The following ERGIC1 variants were observed in gnomAD, a reference collection of about 807,000 sequenced individuals.
ERGIC1 encodes the protein endoplasmic reticulum-Golgi intermediate compartment protein 1.
Under a neutral mutation model 38.3 loss-of-function variants are expected in ERGIC1, and 19 were observed. That is an observed-to-expected ratio of 0.50 (90% CI 0.35 to 0.73). The LOEUF (loss-of-function observed/expected upper bound fraction) is 0.73, where lower values mean the gene tolerates loss of function less well. Ranked by LOEUF, ERGIC1 falls within the 30% of genes least tolerant of loss-of-function variation. The probability of loss-of-function intolerance (pLI) is 0.01; values close to 1 mark genes in which losing one functional copy is unlikely to be tolerated. For missense variants in ERGIC1, 294 were observed against 389.2 expected, an observed-to-expected ratio of 0.76 and a Z score of 2.06; for synonymous variants, 124 against 157.6, an observed-to-expected ratio of 0.79 and a Z score of 1.60.
In ERGIC1 at chr5:172,926,582, G is replaced by C; in HGVS notation, c.541+13G>C. On this transcript the variant is annotated intron_variant, in intron 7 of 9. Transcript: ENST00000393784. The surrounding 1 kb of genome is among the most constrained non-coding windows in gnomAD (Gnocchi z 5.2). ...CTCACCTCCAACCGTATGTATCCCT[G>C]CTGGGAACAGCCTTCTGCTCCAAGA... is the stretch of plus-strand genomic sequence containing the variant. 1 of 1,611,094 alleles carries C rather than the reference G, an allele frequency of 6.2e-7. No homozygotes were observed. Among genetic ancestry groups the C allele is most frequent in the Non-Finnish European group, 8.5e-7 (1 of 1,179,984 alleles).
At chr5:172,938,586 T>C (rs1385448122) in intron 9 of ERGIC1, among the ~76,000 whole-genome samples, 2 of 149,806 alleles carry the variant, frequency 1.3e-5, no homozygotes, top group African/African-American at 4.9e-5. Context: ...ACCTCGTCTC[T>C]AGTTAAAATA....
intron 9 of ERGIC1, among the ~76,000 whole-genome samples, chr5:172,946,176 C>A (rs1764117642): frequency 6.6e-6 from 1 of 152,186 alleles, no homozygotes; most frequent in African/African-American, 2.4e-5. Context: ...TGCACACCTC[C>A]CAGCCCCAGC....
At position 172,865,501 on chromosome 5, in the gene ERGIC1, C is replaced by G. The variant is rs528664146; in HGVS notation, c.21-23198C>G. On this transcript the variant is annotated intron_variant, in intron 1 of 9. Transcript: ENST00000393784. ...GAGGTATTGCAGATTGTAAAGTGTT[C>G]TTATCTTAAGTATACAGCTCAATGG... Among the ~76,000 whole-genome samples the G allele has an allele frequency of 7.9e-5, 12 of 152,284 alleles. No individual in the cohort carries two copies. The South Asian group carries it at 2.5e-3, about 32-fold the overall frequency.
intron 3 of ERGIC1, among the ~76,000 whole-genome samples, chr5:172,906,634 C>CA (rs1763033959): frequency 1.3e-5 from 2 of 152,170 alleles, no homozygotes; most frequent in Non-Finnish European, 2.9e-5. Flanking sequence ...TGGTCTGACT[C>CA]ATTCTTTCCC....
At chr5:172,905,998 G>T in intron 3 of ERGIC1, 1 of 453,126 alleles carries the variant, frequency 2.2e-6, no homozygotes, top group Non-Finnish European at 4.4e-6. Context: ...TAGAAGCCCG[G>T]TGTTTAAAGG....
intron 9 of ERGIC1, among the ~76,000 whole-genome samples, chr5:172,943,170 G>A (rs1764048335): frequency 2.0e-5 from 3 of 152,144 alleles, no homozygotes; most frequent in South Asian, 2.1e-4. Context: ...GAGAAAAGAG[G>A]AGAAGGTGCC....
At chr5:172,902,675 A>T (rs1421841) in intron 3 of ERGIC1, among the ~76,000 whole-genome samples, 8 of 151,982 alleles carry the variant, frequency 5.3e-5, no homozygotes, top group African/African-American at 1.9e-4. Flanking sequence ...GGTTGGTAAT[A>T]GATGCACATA....
At chr5:172,947,637 C>G (rs914816937) in intron 9 of ERGIC1, among the ~76,000 whole-genome samples, 11 of 152,234 alleles carry the variant, frequency 7.2e-5, no homozygotes, top group Non-Finnish European at 1.5e-5. Flanking sequence ...AGGGTTCCCC[C>G]TTAGCCTTCA....
At chr5:172,912,076 CT>C (rs565096601) in intron 4 of ERGIC1, among the ~76,000 whole-genome samples, 2,944 of 132,670 alleles carry the variant, frequency 0.022, 71 homozygotes, top group African/African-American at 0.064. Context: ...TCTGGAGTTT[CT>C]TTTTTTTTTT....
chr5:172,868,261 A>G (rs1229331803), intron 1 of ERGIC1, among the ~76,000 whole-genome samples: 3 of 152,210 alleles, frequency 2.0e-5, no homozygotes, highest in Non-Finnish European at 2.9e-5. Flanking sequence ...AAATCTGTCC[A>G]AAGTCATGCA....
At chr5:172,904,187 A>G (rs1184625486) in intron 3 of ERGIC1, among the ~76,000 whole-genome samples, 2 of 152,086 alleles carry the variant, frequency 1.3e-5, no homozygotes, top group African/African-American at 2.4e-5. Flanking sequence ...TGTAACTTAC[A>G]TACAGCAAAG....
rs111806800 is a variant in ERGIC1 at position 172,907,555 on chromosome 5, C to CA, written c.156-2099dup. Reference sequence around the variant, plus strand: ...CCTGAGGGACAGAGCAAGACTCTGTCAAAAAAAAAAAAAGTATAAAGGCCT... The same window carrying CA: ...CCTGAGGGACAGAGCAAGACTCTGTCAAAAAAAAAAAAAAGTATAAAGGCCT... On this transcript the variant is annotated intron_variant, in intron 3 of 9. Transcript: ENST00000393784. 6.6e-4 allele frequency among the ~76,000 whole-genome samples: 94 copies of CA among 143,424 alleles called. 1 individual carries two copies. The highest frequency in any genetic ancestry group is 3.6e-3 in the Middle Eastern group (1 of 278). The allele number at this position is 143,424 out of a possible 152,430, so 94.1% of individuals were successfully genotyped here.
intron 1 of ERGIC1, among the ~76,000 whole-genome samples, chr5:172,882,371 G>A (rs1732276598): frequency 6.6e-6 from 1 of 152,194 alleles, no homozygotes; most frequent in African/African-American, 2.4e-5. Context: ...CTGTCTTCCA[G>A]GTGACTCTCA....
At chr5:172,948,924 A>G (rs541861) in intron 9 of ERGIC1, among the ~76,000 whole-genome samples, 14,235 of 152,062 alleles carry the variant, frequency 0.094, 1,530 homozygotes, top group African/African-American at 0.27. Context: ...GCATGGTGGC[A>G]TCACCTGTAA....
intron 5 of ERGIC1, among the ~76,000 whole-genome samples, chr5:172,919,005 A>C (rs1763445734): frequency 1.3e-5 from 2 of 148,918 alleles, no homozygotes; most frequent in East Asian, 2.0e-4. Flanking sequence ...CCCTTTGACC[A>C]CTCCACTCAG....
At chr5:172,900,511 G>A (rs1383986673) in intron 3 of ERGIC1, among the ~76,000 whole-genome samples, 1 of 152,032 alleles carries the variant, frequency 6.6e-6, no homozygotes, top group Non-Finnish European at 1.5e-5. Flanking sequence ...TTCGAGACCA[G>A]CCTGGACAAC....
At chr5:172,949,393 C>T (rs1014228427) in intron 9 of ERGIC1, among the ~76,000 whole-genome samples, 2 of 152,162 alleles carry the variant, frequency 1.3e-5, no homozygotes, top group Non-Finnish European at 2.9e-5. Flanking sequence ...AAGAATAGTA[C>T]CTACTGCCTA....
intron 1 of ERGIC1, among the ~76,000 whole-genome samples, chr5:172,864,455 G>T (rs1234792857): frequency 6.6e-6 from 1 of 151,804 alleles, no homozygotes; most frequent in African/African-American, 2.4e-5. Context: ...TTTCAGTAGA[G>T]ACGGGGTTTC....
rs568379173 is a variant in ERGIC1, at chr5:172,940,075, G to A, written c.765+4765G>A. Among the ~76,000 whole-genome samples the A allele has an allele frequency of 9.5e-4, 144 of 152,204 alleles. 3 individuals carry two copies. The highest frequency in any genetic ancestry group is 3.4e-3 in the African/African-American group (140 of 41,538). Reference sequence around the variant, plus strand: ...GAAGAGGGGCTTAGGTCGGGATGTCGTCATGTGGCGGCTGCGGGGCTGGGA... The same window carrying A: ...GAAGAGGGGCTTAGGTCGGGATGTCATCATGTGGCGGCTGCGGGGCTGGGA... On this transcript the variant is annotated intron_variant, in intron 9 of 9. Coordinates refer to ENST00000393784, the MANE Select transcript of ERGIC1 (RefSeq NM_001031711.3).
Sources: allele counts gnomAD v4.1 joint callset (sites outside exome capture counted in the v4.1 genomes callset), GRCh38; gene constraint gnomAD v4.1.1; non-coding constraint Gnocchi (gnomAD v3.1); transcripts MANE v1.5; gene names NCBI Gene and HGNC (gene_info 2026-07-23, HGNC 2026-07-21).